KIAA1958: variants seen among roughly 807,000 people sequenced by gnomAD.
KIAA1958 encodes uncharacterized protein KIAA1958.
Under a neutral mutation model 47.2 loss-of-function variants are expected in KIAA1958, and 14 were observed. The ratio of observed to expected loss-of-function variants is 0.30; its 90% CI spans 0.20 to 0.46. KIAA1958 has a LOEUF of 0.46. Ranked by LOEUF, KIAA1958 falls within the 20% of genes least tolerant of loss-of-function variation. The pLI is 1.00. For missense variants in KIAA1958, 803 were observed against 909.2 expected (o/e 0.88, Z 1.50); for synonymous variants, 354 against 353.3 (o/e 1.00, Z -0.02).
At chr9:112,558,150 G>A (rs1282842366) in intron 1 of KIAA1958, among the ~76,000 whole-genome samples, 2 of 151,984 alleles carry the variant, frequency 1.3e-5, no homozygotes, top group Non-Finnish European at 2.9e-5. Flanking sequence ...GCTTGAACCC[G>A]GGAGGCGGAA....
intron 1 of KIAA1958, among the ~76,000 whole-genome samples, chr9:112,562,762 T>C (rs1588019029): frequency 6.6e-6 from 1 of 152,312 alleles, no homozygotes. Flanking sequence ...TCTGTCAAAA[T>C]TGATTGTATG....
chr9:112,609,470 C>G (rs1227027740), intron 2 of KIAA1958, among the ~76,000 whole-genome samples: 1 of 152,082 alleles, frequency 6.6e-6, no homozygotes, highest in African/African-American at 2.4e-5. Flanking sequence ...AGTTATGTGA[C>G]TAGAAAAGGA....
chr9:112,516,693 A>G (rs1834441196), intron 1 of KIAA1958, among the ~76,000 whole-genome samples: 1 of 152,256 alleles, frequency 6.6e-6, no homozygotes, highest in Admixed American at 6.5e-5. Flanking sequence ...TCCTGGCTTC[A>G]TGACTTATTA....
rs1389708366 is a variant in KIAA1958 at position 112,661,196 on chromosome 9, C to T, written c.*1127C>T. 2 of 152,290 alleles carry T rather than the reference C, an allele frequency of 1.3e-5. No individual in the cohort carries two copies. The highest frequency in any genetic ancestry group is 3.9e-4 in the East Asian group (2 of 5,186). The allele number at this position is 152,290 out of a possible 1,614,324, so 9.4% of individuals were successfully genotyped here. Reference sequence around the variant, plus strand: ...GGGACACGATGATTTAGGCACCCCACCAGGTAAGCAAACTCAGCATTAAGG... The same window carrying T: ...GGGACACGATGATTTAGGCACCCCATCAGGTAAGCAAACTCAGCATTAAGG... On this transcript the variant is annotated 3_prime_UTR_variant, in exon 4 of 4. Coordinates refer to ENST00000337530, the MANE Select transcript of KIAA1958 (RefSeq NM_133465.4).
intron 1 of KIAA1958, among the ~76,000 whole-genome samples, chr9:112,520,723 A>C (rs1356793454): frequency 6.6e-6 from 1 of 152,234 alleles, no homozygotes; most frequent in African/African-American, 2.4e-5. Context: ...TTAGTTCCCA[A>C]TAAGAACAAA....
chr9:112,643,155 G>T (rs764907619), intron 2 of KIAA1958, among the ~76,000 whole-genome samples: 130 of 152,282 alleles, frequency 8.5e-4, no homozygotes, highest in Non-Finnish European at 1.5e-3. Flanking sequence ...TATCTAAATT[G>T]CATTCTTTAC....
At position 112,656,404 on chromosome 9, in the gene KIAA1958, G is replaced by A. The variant is rs1400488759; in HGVS notation, c.1345-2859G>A. On this transcript the variant is annotated intron_variant, in intron 3 of 3. Coordinates refer to ENST00000337530, the MANE Select transcript of KIAA1958 (RefSeq NM_133465.4). ...AAAAAAAAAAAAAAAAAAGCATTTC[G>A]AGGCTGGGATACCTGGTTACACAGG... Among the ~76,000 whole-genome samples the A allele has an allele frequency of 2.0e-5, 3 of 147,096 alleles. No individual in the cohort carries two copies. The East Asian group carries it at 6.0e-4, about 29-fold the overall frequency.
At chr9:112,549,651 T>A (rs917183773) in intron 1 of KIAA1958, among the ~76,000 whole-genome samples, 1 of 152,138 alleles carries the variant, frequency 6.6e-6, no homozygotes, top group Non-Finnish European at 1.5e-5. Flanking sequence ...TAGGGTAACA[T>A]AGGGCTCCAG....
chr9:112,544,646 GGA>G (rs1327185699), intron 1 of KIAA1958, among the ~76,000 whole-genome samples: 1 of 152,182 alleles, frequency 6.6e-6, no homozygotes, highest in East Asian at 1.9e-4. Flanking sequence ...CTGCCATCCT[GGA>G]GAGAGTCAAG....
chr9:112,559,245 A>G (rs1040812664), intron 1 of KIAA1958, among the ~76,000 whole-genome samples: 7 of 152,232 alleles, frequency 4.6e-5, no homozygotes, highest in African/African-American at 1.4e-4. Flanking sequence ...TAATTTGTAT[A>G]TTAATTGTCT....
Position 112,659,247 on chromosome 9 carries a change from G to A in KIAA1958, c.1345-16G>A, listed in dbSNP as rs1189684564. ...TGAGTGTCAAGTGTGTAACCTCCGTGTTTGTCTCATTTGAGATCCCTGCAG... is the reference window on the plus strand; with the variant it reads ...TGAGTGTCAAGTGTGTAACCTCCGTATTTGTCTCATTTGAGATCCCTGCAG... On this transcript the variant is annotated splice_polypyrimidine_tract_variant and intron_variant, in intron 3 of 3. Coordinates refer to ENST00000337530, the MANE Select transcript of KIAA1958 (RefSeq NM_133465.4). 8.1e-6 allele frequency: 13 copies of A among 1,600,796 alleles called. No homozygotes were observed. The highest frequency in any genetic ancestry group is 2.2e-5 in the South Asian group (2 of 89,526).
At chr9:112,503,034 A>G (rs905977809) in intron 1 of KIAA1958, among the ~76,000 whole-genome samples, 2 of 152,216 alleles carry the variant, frequency 1.3e-5, no homozygotes, top group African/African-American at 4.8e-5. Context: ...AAAACAAAGT[A>G]CTTGCCCTCA....
At position 112,497,458 on chromosome 9, in the gene KIAA1958, C is replaced by G. The variant is rs575937108; in HGVS notation, c.-25+10340C>G. On this transcript the variant is annotated intron_variant, in intron 1 of 3. Transcript: ENST00000337530. ...ATCTGCAAGCCAAGGAGAGAGGCTT[C>G]GAAAGAAACCAAGCCTGCCAACACT... 3.3e-5 allele frequency among the ~76,000 whole-genome samples: 5 copies of G among 152,224 alleles called. No individual in the cohort carries two copies. In the South Asian group the frequency reaches 8.3e-4, roughly 25 times the overall value.
chr9:112,524,322 A>T (rs958793123), intron 1 of KIAA1958, among the ~76,000 whole-genome samples: 1 of 152,246 alleles, frequency 6.6e-6, no homozygotes, highest in Non-Finnish European at 1.5e-5. Flanking sequence ...TTGTGTATTG[A>T]ACAGCCATTT....
chr9:112,573,151 A>C (rs1835568522), intron 1 of KIAA1958, among the ~76,000 whole-genome samples: 1 of 152,114 alleles, frequency 6.6e-6, no homozygotes, highest in Non-Finnish European at 1.5e-5. Context: ...CTCACTCCTC[A>C]GGGACTCCTA....
chr9:112,599,604 G>A (rs1364586797), intron 2 of KIAA1958, among the ~76,000 whole-genome samples: 3 of 152,318 alleles, frequency 2.0e-5, no homozygotes, highest in Non-Finnish European at 2.9e-5. Flanking sequence ...AGAATGAGCT[G>A]AAAAGGAGAG....
chr9:112,621,059 GTTT>G (rs10568772), intron 2 of KIAA1958, among the ~76,000 whole-genome samples: 42,909 of 151,816 alleles, frequency 0.28, 6,026 homozygotes, highest in Middle Eastern at 0.38. Context: ...TCATTCCAGA[GTTT>G]TTTTCTATTT....
In KIAA1958 at chr9:112,659,750, G is replaced by A. The variant is rs1167312914; in HGVS notation, c.1832G>A (p.Arg611Lys). 1.2e-6 allele frequency: 2 copies of A among 1,614,206 alleles called. No individual in the cohort carries two copies. The highest frequency in any genetic ancestry group is 1.1e-5 in the South Asian group (1 of 91,078). ...VKRESRSGSTRVCHGKIYHEH... is the reference protein window; with the variant it reads ...VKRESRSGSTKVCHGKIYHEH... ...CGGGAGAGTCGGAGCGGCTCCACCA[G>A]AGTGTGTCACGGGAAGATCTACCAT... The change falls in exon 4 of 4, where the codon AGA becomes AAA. Residue 611 changes from arginine (R) to lysine (K), a missense_variant. By Grantham distance (26) the Arg-to-Lys change is conservative (BLOSUM62 2). This residue lies in a region of KIAA1958 where 761 missense variants were observed against 829.3 expected (regional missense o/e 0.92). Transcript: ENST00000337530.
intron 1 of KIAA1958, among the ~76,000 whole-genome samples, chr9:112,553,944 G>A (rs1038082484): frequency 2.0e-5 from 3 of 151,990 alleles, no homozygotes; most frequent in Admixed American, 2.0e-4. Flanking sequence ...TCAGCAATAA[G>A]ATATAATTTC....
Sources: gnomAD v4.1 joint callset for allele counts (sites outside exome capture counted in the v4.1 genomes callset) on GRCh38, gnomAD v4.1.1 for gene constraint, gnomAD v4.1.1 regional missense constraint, MANE v1.5 for transcripts, NCBI Gene and HGNC (gene_info 2026-07-23, HGNC 2026-07-21) for gene names.